DYSF: variants seen among roughly 807,000 people sequenced by gnomAD.
DYSF encodes the protein dystrophy-associated fer-1-like 1.
A neutral mutation model predicts 274.9 loss-of-function variants in DYSF; 212 were observed. The ratio of observed to expected loss-of-function variants is 0.77; its 90% CI spans 0.69 to 0.86. DYSF has a LOEUF of 0.86. Among genes scored for constraint, DYSF ranks in the 40% least tolerant of loss-of-function variants. The pLI, the probability that DYSF is intolerant of heterozygous loss-of-function variation, is 0.00. For missense variants in DYSF, 2,666 were observed against 2,783.2 expected (o/e 0.96, Z 0.95); for synonymous variants, 1,091 against 1,078.7 (o/e 1.01, Z -0.22).
At chr2:71,535,624 A>T (rs539444292) in intron 16 of DYSF, among the ~76,000 whole-genome samples, 1 of 152,200 alleles carries the variant, frequency 6.6e-6, no homozygotes, top group Non-Finnish European at 1.5e-5. Flanking sequence ...TAAGCTCACC[A>T]TGAGGACATT....
intron 4 of DYSF, among the ~76,000 whole-genome samples, chr2:71,506,186 G>A (rs11681784): frequency 0.092 from 14,051 of 152,186 alleles, 725 homozygotes; most frequent in Middle Eastern, 0.13. Context: ...TGTGGTCGAG[G>A]AAGTAGGTGG....
At chr2:71,466,506 G>T (rs530188349), upstream of DYSF, among the ~76,000 whole-genome samples, 2 of 152,162 alleles carry the variant, frequency 1.3e-5, no homozygotes, top group Admixed American at 6.5e-5. Context: ...GCGCGCCCGC[G>T]TCAGCGGCGC....
At chr2:71,642,629 G>A (rs2094504505) in intron 41 of DYSF, among the ~76,000 whole-genome samples, 2 of 152,174 alleles carry the variant, frequency 1.3e-5, no homozygotes, top group South Asian at 4.1e-4. Context: ...GGGCCTGGCT[G>A]CAGATTCAGC....
At chr2:71,529,650 C>T (rs1396018561) in intron 14 of DYSF, among the ~76,000 whole-genome samples, 1 of 152,224 alleles carries the variant, frequency 6.6e-6, no homozygotes, top group Non-Finnish European at 1.5e-5. Flanking sequence ...AATCTTCCCA[C>T]TTTGTAATTA....
chr2:71,554,903 C>T (rs185496028), intron 21 of DYSF, among the ~76,000 whole-genome samples: 18 of 152,164 alleles, frequency 1.2e-4, no homozygotes, highest in Admixed American at 5.2e-4. Context: ...AGCTGATGGT[C>T]CTGGCAGTGG....
At chr2:71,676,642 A>AC (rs1452908552) in intron 52 of DYSF, among the ~76,000 whole-genome samples, 2 of 152,002 alleles carry the variant, frequency 1.3e-5, no homozygotes, top group Admixed American at 6.6e-5. Context: ...CAAAAAAAAA[A>AC]CCCTGTGTTT....
rs762970358 is a variant in DYSF at position 71,620,576 on chromosome 2, C to G, written c.4494C>G (p.Pro1498=). The change falls in exon 41 of 56, where the codon CCC becomes CCG. Residue 1498 remains proline, a synonymous_variant. Transcript: ENST00000410020. ...CAGACGGTCTGTCGAGCTTGGCCCC[C>G]ACTAACACGGCTTCTCCTCCATCCA... ...QLADGLSSLA[P]TNTASPPSSP... is the part of the protein sequence containing the mutation. 14 of 1,551,474 alleles carry G rather than the reference C, an allele frequency of 9.0e-6. No homozygotes were observed. Among genetic ancestry groups the G allele is most frequent in the Non-Finnish European group, 1.2e-5 (14 of 1,146,960 alleles).
At chr2:71,482,299 G>C (rs1055914682) in intron 3 of DYSF, among the ~76,000 whole-genome samples, 1 of 152,180 alleles carries the variant, frequency 6.6e-6, no homozygotes, top group Non-Finnish European at 1.5e-5. Flanking sequence ...CCTGAGGTGG[G>C]CTCTCTTTCC....
intron 41 of DYSF, among the ~76,000 whole-genome samples, chr2:71,632,103 G>A (rs2094324731): frequency 6.6e-6 from 1 of 152,134 alleles, no homozygotes; most frequent in African/African-American, 2.4e-5. Context: ...CTACAGCATA[G>A]GCAACTGTCT....
intron 40 of DYSF, among the ~76,000 whole-genome samples, chr2:71,618,966 A>G (rs1200393432): frequency 6.6e-6 from 1 of 151,836 alleles, no homozygotes; most frequent in Admixed American, 6.6e-5. Context: ...TGCTCCAGTT[A>G]TAGTCTCTGG....
rs1573315768 is a variant in DYSF, at chr2:71,470,779, T to C, written c.91+3846T>C. Among the ~76,000 whole-genome samples, 3 of 135,826 alleles carry C rather than the reference T, an allele frequency of 2.2e-5. No individual in the cohort carries two copies. In the East Asian group the frequency reaches 6.3e-4, roughly 29 times the overall value. The allele number at this position is 135,826 out of a possible 152,430, so 89.1% of individuals were successfully genotyped here. On this transcript the variant is annotated intron_variant, in intron 1 of 55. Coordinates refer to ENST00000410020, the MANE Select transcript of DYSF (RefSeq NM_001130987.2). ...TTCCTTCCTTCCTTCCTTCCTTCCT[T>C]CCTTCATTCCTTCCTTCTTTTTTTT...
At chr2:71,487,689 A>G (rs1243769776) in intron 3 of DYSF, among the ~76,000 whole-genome samples, 1 of 152,048 alleles carries the variant, frequency 6.6e-6, no homozygotes, top group Non-Finnish European at 1.5e-5. Context: ...TTGTGTTTTT[A>G]GTAGAGACAG....
At chr2:71,617,069 G>A (rs771074657) in intron 40 of DYSF, among the ~76,000 whole-genome samples, 26 of 152,250 alleles carry the variant, frequency 1.7e-4, no homozygotes, top group Non-Finnish European at 2.9e-4. Context: ...CCCAGAAATC[G>A]CACCTTTGAG....
chr2:71,561,116 CTCAGGGCTGTGTT>C (rs1188928286), intron 22 of DYSF, among the ~76,000 whole-genome samples: 4 of 152,110 alleles, frequency 2.6e-5, no homozygotes, highest in African/African-American at 9.7e-5. Context: ...TCTCTCAGGG[CTCAGGGCTGTGTT>C]TCTGGCATTG....
At chr2:71,548,472 TGGAGAA>T (rs1031951925) in intron 17 of DYSF, among the ~76,000 whole-genome samples, 2 of 152,072 alleles carry the variant, frequency 1.3e-5, no homozygotes, top group African/African-American at 4.8e-5. Flanking sequence ...ACTTTACTGT[TGGAGAA>T]GGAGAATGGG....
chr2:71,454,335 G>C (rs2080961038), intron 1 of DYSF, among the ~76,000 whole-genome samples: 1 of 152,226 alleles, frequency 6.6e-6, no homozygotes, highest in South Asian at 2.1e-4. Context: ...ACTGAGGTAG[G>C]CCAGGAAGGT....
chr2:71,621,700 C>T (rs979646220), intron 41 of DYSF, among the ~76,000 whole-genome samples: 14 of 151,790 alleles, frequency 9.2e-5, no homozygotes, highest in Admixed American at 7.9e-4. Context: ...CACTTTGTCG[C>T]CCAGGCTAGA....
At chr2:71,606,746 A>G (rs1348794678) in intron 36 of DYSF, among the ~76,000 whole-genome samples, 1 of 151,984 alleles carries the variant, frequency 6.6e-6, no homozygotes, top group East Asian at 1.9e-4. Flanking sequence ...TCTTGGGGAG[A>G]TTTTCTAGAG....
intron 52 of DYSF, 75 bp downstream of exon 52, chr2:71,674,371 GTTGGACCC>G: frequency 6.9e-7 from 1 of 1,449,302 alleles, no homozygotes; most frequent in South Asian, 1.1e-5. Context: ...TTATGCCACT[GTTGGACCC>G]TTGGGGAAGC....
Sources: allele counts gnomAD v4.1 joint callset (sites outside exome capture counted in the v4.1 genomes callset), GRCh38; gene constraint gnomAD v4.1.1; transcripts MANE v1.5; gene names NCBI Gene and HGNC (gene_info 2026-07-23, HGNC 2026-07-21).